DAB2: variants seen among roughly 807,000 people sequenced by gnomAD.
DAB2 encodes DAB adaptor protein 2, also known as disabled homolog 2.
A neutral mutation model predicts 71.6 loss-of-function variants in DAB2; 28 were observed. The ratio of observed to expected loss-of-function variants is 0.39; its 90% CI spans 0.29 to 0.54. The LOEUF (loss-of-function observed/expected upper bound fraction) is 0.54. Among genes scored for constraint, DAB2 ranks in the 20% least tolerant of loss-of-function variants. The pLI is 0.68. For synonymous variants in DAB2, 345 were observed against 339.7 expected (o/e 1.02, Z -0.17); for missense variants, 867 against 928.8 (o/e 0.93, Z 0.86).
chr5:39,388,562 T>A (rs878999074), intron 8 of DAB2, among the ~76,000 whole-genome samples, 195 bp from the exon 9 acceptor site: 3 of 152,206 alleles, frequency 2.0e-5, no homozygotes, highest in East Asian at 3.9e-4. Context: ...CTTGTCCACA[T>A]CCTTAAAAAG....
At chr5:39,413,009 G>A (rs1293760075) in intron 1 of DAB2, among the ~76,000 whole-genome samples, 1 of 152,092 alleles carries the variant, frequency 6.6e-6, no homozygotes, top group Non-Finnish European at 1.5e-5. Flanking sequence ...AAAGTTAAAA[G>A]GTGGGTCAAA....
intron 11 of DAB2, among the ~76,000 whole-genome samples, chr5:39,378,215 T>C (rs566516430): frequency 6.6e-6 from 1 of 152,350 alleles, no homozygotes; most frequent in African/African-American, 2.4e-5. Context: ...GCCTCTCCAA[T>C]GATGGCCTCT....
rs753538165 is a variant in DAB2 at position 39,375,114 on chromosome 5, ATACAGT to A, written c.2248-36_2248-31del. ...GAAGATAAAATCATCTAGTCAATAA[ATACAGT>A]TACAGTCATAAGAAAAAAATCGCAA... On this transcript the variant is annotated intron_variant, in intron 13 of 14. Coordinates refer to ENST00000320816, the MANE Select transcript of DAB2 (RefSeq NM_001343.4). 2.0e-6 allele frequency: 3 copies of A among 1,518,674 alleles called. No homozygotes were observed. In the East Asian group the frequency reaches 6.8e-5, roughly 34 times the overall value. The allele number at this position is 1,518,674 out of a possible 1,614,324, so 94.1% of individuals were successfully genotyped here.
At chr5:39,379,043 T>A (rs1397983010) in intron 11 of DAB2, among the ~76,000 whole-genome samples, 2 of 152,246 alleles carry the variant, frequency 1.3e-5, no homozygotes, top group Non-Finnish European at 2.9e-5. Flanking sequence ...CACTTGCTAA[T>A]AATTTCCACC....
At chr5:39,390,017 G>C (rs1579909356) in intron 5 of DAB2, 85 bp from the exon 6 acceptor site, 1 of 1,046,676 alleles carries the variant, frequency 9.6e-7, no homozygotes, top group South Asian at 1.8e-5. Flanking sequence ...ATTCATACTG[G>C]GATTTTTTTT....
In DAB2 at chr5:39,390,485, C is replaced by T; in HGVS notation, c.421G>A (p.Glu141Lys). ...ATGGCAAAAAACTGATGCTGGCCTT[C>T]TCCTCCACACACGTAACCAAATGCC... is the stretch of plus-strand genomic sequence containing the variant. Reference protein sequence around the residue: ...NRAFGYVCGGEGQHQFFAIKT... With the variant: ...NRAFGYVCGGKGQHQFFAIKT... The change falls in exon 5 of 15, where the codon GAA becomes AAA. Residue 141 changes from glutamate (E) to lysine (K), a missense_variant. Around this residue, in one of 2 missense-constraint regions of DAB2, gnomAD observed 127 missense variants for 194.4 expected, o/e 0.65. Transcript: ENST00000320816. 1 of 1,614,092 alleles carries T rather than the reference C, an allele frequency of 6.2e-7. No homozygotes were observed. Among genetic ancestry groups the T allele is most frequent in the Non-Finnish European group, 8.5e-7 (1 of 1,179,994 alleles).
chr5:39,382,562 A>G (rs1381182256), intron 10 of DAB2, 56 bp downstream of exon 10: 1 of 1,513,268 alleles, frequency 6.6e-7, no homozygotes, highest in African/African-American at 1.4e-5. Context: ...GCATCACACC[A>G]CCCTTTGGTA....
At chr5:39,390,155 A>T (rs534915282) in intron 5 of DAB2, among the ~76,000 whole-genome samples, 1 of 152,258 alleles carries the variant, frequency 6.6e-6, no homozygotes, top group African/African-American at 2.4e-5. Flanking sequence ...AGGTATCATG[A>T]TCATATTTGA....
chr5:39,403,953 T>G (rs1043005524), intron 1 of DAB2, among the ~76,000 whole-genome samples: 4 of 152,116 alleles, frequency 2.6e-5, no homozygotes, highest in Non-Finnish European at 5.9e-5. Flanking sequence ...ACAAAGGACA[T>G]TAACTCATCA....
chr5:39,389,715 T>C (rs1755178681), intron 6 of DAB2, 137 bp downstream of exon 6: 3 of 552,418 alleles, frequency 5.4e-6, no homozygotes, highest in South Asian at 4.2e-5. Context: ...TTTCGCCATG[T>C]TGGCCAGGCT....
chr5:39,420,047 A>C (rs932409506), intron 1 of DAB2, among the ~76,000 whole-genome samples: 1 of 152,186 alleles, frequency 6.6e-6, no homozygotes, highest in Non-Finnish European at 1.5e-5. Flanking sequence ...GCTAGTTTAG[A>C]TACAGCTGGA....
In DAB2 at chr5:39,376,664, A is replaced by G; in HGVS notation, c.2123T>C (p.Leu708Ser). 6.2e-7 allele frequency: 1 copy of G among 1,613,942 alleles called. No individual in the cohort carries two copies. Among genetic ancestry groups the G allele is most frequent in the Non-Finnish European group, 8.5e-7 (1 of 1,179,972 alleles). The change falls in exon 12 of 15, where the codon TTG (leucine) becomes TCG (serine). Residue 708 changes from leucine (L) to serine (S), a missense_variant. Leu to Ser is a moderately radical substitution (Grantham distance 145). Coordinates refer to ENST00000320816, the MANE Select transcript of DAB2 (RefSeq NM_001343.4). Reference sequence around the variant, plus strand: ...GAGTGGCTTACCATTGATCTTGTTCAATAGTTGATTAGCATCAAAGTCATC... The same window carrying G: ...GAGTGGCTTACCATTGATCTTGTTCGATAGTTGATTAGCATCAAAGTCATC... ...DHDDFDANQL[L>S]NKINEPPKPA...
intron 1 of DAB2, among the ~76,000 whole-genome samples, chr5:39,409,120 C>T (rs1755667199): frequency 6.7e-6 from 1 of 150,256 alleles, no homozygotes; most frequent in African/African-American, 2.5e-5. Context: ...TGAAATTGTG[C>T]TTATGATTAT....
chr5:39,424,484 C>T (rs1756058221), intron 1 of DAB2, among the ~76,000 whole-genome samples: 1 of 120,406 alleles, frequency 8.3e-6, no homozygotes, highest in Non-Finnish European at 1.7e-5. Flanking sequence ...CACACACACA[C>T]ACACACACAC....
intron 1 of DAB2, among the ~76,000 whole-genome samples, chr5:39,397,867 C>T (rs575104553): frequency 6.6e-6 from 1 of 152,280 alleles, no homozygotes; most frequent in Non-Finnish European, 1.5e-5. Context: ...AGAACTGCAA[C>T]AATATATTCC....
intron 1 of DAB2, among the ~76,000 whole-genome samples, chr5:39,412,579 A>T (rs3849764): frequency 0.95 from 144,200 of 152,122 alleles, 68,719 homozygotes; most frequent in African/African-American, 0.99. Flanking sequence ...TGCTCTGGGG[A>T]GAAAGGAGAG....
chr5:39,401,223 A>G (rs1755489164), intron 1 of DAB2, among the ~76,000 whole-genome samples: 1 of 152,242 alleles, frequency 6.6e-6, no homozygotes, highest in South Asian at 2.1e-4. Flanking sequence ...AGGAGTCCTT[A>G]GAAGATTTTC....
In DAB2 at chr5:39,376,214, C is replaced by T. The variant is rs547229426; in HGVS notation, c.2138-108G>A. The T allele has an allele frequency of 1.2e-4, 92 of 798,028 alleles. No homozygotes were observed. The South Asian group carries it at 1.5e-3, about 13-fold the overall frequency. 49.4% of individuals were successfully genotyped at this position (798,028 alleles called of 1,614,324 possible). On this transcript the variant is annotated intron_variant, in intron 12 of 14. Coordinates refer to ENST00000320816, the MANE Select transcript of DAB2 (RefSeq NM_001343.4). ...TTTAGTTCTATACTTTTGAAATTTA[C>T]ATCAGTGGAACAAAAATCAACACCA...
intron 1 of DAB2, among the ~76,000 whole-genome samples, chr5:39,420,113 T>C (rs1755944769): frequency 6.6e-6 from 1 of 152,218 alleles, no homozygotes; most frequent in Admixed American, 6.5e-5. Context: ...ATGTTGATGC[T>C]GCTGGTTTGG....
Sources: gnomAD v4.1 joint callset for allele counts (sites outside exome capture counted in the v4.1 genomes callset) on GRCh38, gnomAD v4.1.1 for gene constraint, gnomAD v4.1.1 regional missense constraint, MANE v1.5 for transcripts, NCBI Gene and HGNC (gene_info 2026-07-23, HGNC 2026-07-21) for gene names.